ASXL2: variants seen among roughly 807,000 people sequenced by gnomAD.
ASXL2 encodes the protein putative Polycomb group protein ASXL2.
In ASXL2, 23 loss-of-function variants were observed where a neutral mutation model predicts 122.0. The observed-to-expected ratio is 0.19, with a 90% CI of 0.14 to 0.27. ASXL2 has a LOEUF of 0.27. Among genes scored for constraint, ASXL2 ranks in the 10% least tolerant of loss-of-function variants. The pLI, the probability that ASXL2 is intolerant of heterozygous loss-of-function variation, is 1.00. For missense variants in ASXL2, 1,518 were observed against 1,713.8 expected (o/e 0.89, Z 2.02); for synonymous variants, 650 against 637.0 (o/e 1.02, Z -0.31).
intron 3 of ASXL2, among the ~76,000 whole-genome samples, chr2:25,828,729 G>A (rs1277056708): frequency 6.7e-6 from 1 of 149,966 alleles, no homozygotes; most frequent in Non-Finnish European, 1.5e-5. Flanking sequence ...GGAGGCTGAG[G>A]GAGGAGAACT....
At chr2:25,853,166 A>C (rs2089737015) in intron 1 of ASXL2, among the ~76,000 whole-genome samples, 1 of 152,186 alleles carries the variant, frequency 6.6e-6, no homozygotes, top group Non-Finnish European at 1.5e-5. Context: ...TTGAGGTACT[A>C]GTTCCGATTT....
chr2:25,840,791 C>T (rs902395496), intron 2 of ASXL2, among the ~76,000 whole-genome samples: 1 of 152,066 alleles, frequency 6.6e-6, no homozygotes, highest in Non-Finnish European at 1.5e-5. Flanking sequence ...TCAGTTGTTA[C>T]CACTTTAATA....
intron 3 of ASXL2, among the ~76,000 whole-genome samples, chr2:25,809,768 A>T (rs1014927174): frequency 2.6e-5 from 4 of 152,208 alleles, no homozygotes; most frequent in Non-Finnish European, 4.4e-5. Flanking sequence ...ATCTCTGGGA[A>T]GAGGCAGAGA....
At chr2:25,790,932 G>T (rs1277366886) in intron 5 of ASXL2, among the ~76,000 whole-genome samples, 1 of 149,902 alleles carries the variant, frequency 6.7e-6, no homozygotes, top group Non-Finnish European at 1.5e-5. Flanking sequence ...GCCTCCCAAA[G>T]TGCTGGGACT....
intron 1 of ASXL2, among the ~76,000 whole-genome samples, chr2:25,847,617 CTATT>C (rs998831234): frequency 2.8e-4 from 43 of 152,258 alleles, no homozygotes; most frequent in African/African-American, 9.6e-4. Flanking sequence ...CAGAAAACTT[CTATT>C]TATTTATTGT....
At chr2:25,788,978 A>C (rs938262921) in intron 5 of ASXL2, among the ~76,000 whole-genome samples, 1 of 151,666 alleles carries the variant, frequency 6.6e-6, no homozygotes, top group Admixed American at 6.6e-5. Flanking sequence ...TTAATAGTTT[A>C]ATTCTTTCCA....
chr2:25,872,450 A>ACC (rs558699647), intron 1 of ASXL2, among the ~76,000 whole-genome samples: 2 of 152,168 alleles, frequency 1.3e-5, no homozygotes, highest in African/African-American at 4.8e-5. Context: ...AACAAAAGAA[A>ACC]CCAAAACAAA....
chr2:25,772,599 T>C (rs2088474057), intron 5 of ASXL2, among the ~76,000 whole-genome samples: 1 of 151,526 alleles, frequency 6.6e-6, no homozygotes, highest in African/African-American at 2.4e-5. Flanking sequence ...GGTGTGGTGG[T>C]GTATGCCTGT....
intron 1 of ASXL2, among the ~76,000 whole-genome samples, chr2:25,856,157 A>G (rs1212162510): frequency 6.6e-6 from 1 of 151,840 alleles, no homozygotes; most frequent in African/African-American, 2.4e-5. Flanking sequence ...CCTGGGTTCA[A>G]GCAATTCTCC....
intron 1 of ASXL2, among the ~76,000 whole-genome samples, chr2:25,852,188 T>C (rs1447902905): frequency 6.6e-6 from 1 of 152,206 alleles, no homozygotes; most frequent in Non-Finnish European, 1.5e-5. Context: ...GAAACTACTT[T>C]ATGACAATAT....
chr2:25,858,365 T>C (rs924626988), intron 1 of ASXL2, among the ~76,000 whole-genome samples: 14 of 151,972 alleles, frequency 9.2e-5, no homozygotes, highest in Non-Finnish European at 1.6e-4. Flanking sequence ...GTTTGGTGCC[T>C]TCCTTTACTC....
At chr2:25,850,438 T>C (rs112349806) in intron 1 of ASXL2, among the ~76,000 whole-genome samples, 4,466 of 152,344 alleles carry the variant, frequency 0.029, 78 homozygotes, top group Middle Eastern at 0.092. Flanking sequence ...ACATTCTGTA[T>C]TTTGCTAATC....
intron 10 of ASXL2, among the ~76,000 whole-genome samples, chr2:25,754,549 A>G (rs1163343967): frequency 1.3e-5 from 2 of 152,164 alleles, no homozygotes; most frequent in Non-Finnish European, 2.9e-5. Context: ...CCTGCTATTG[A>G]GTCTACTGTG....
chr2:25,786,267 A>G lies in ASXL2; in HGVS notation c.403+13118T>C, dbSNP rs758275065. Reference sequence around the variant, plus strand: ...TCTTTTTTTTTTTTTTTTGAGATGGAGTCTTGCTCTGTCACCAGGCTGGAG... The same window carrying G: ...TCTTTTTTTTTTTTTTTTGAGATGGGGTCTTGCTCTGTCACCAGGCTGGAG... On this transcript the variant is annotated intron_variant, in intron 5 of 12. Transcript: ENST00000435504. Among the ~76,000 whole-genome samples the G allele has an allele frequency of 2.9e-3, 184 of 64,138 alleles. 1 individual carries two copies. Among genetic ancestry groups the G allele is most frequent in the Non-Finnish European group, 2.1e-3 (87 of 41,688 alleles). 42.1% of individuals were successfully genotyped at this position (64,138 alleles called of 152,430 possible). A position where few individuals can be genotyped will look rare whatever the true frequency, so the allele number is the denominator to read the frequency against.
Position 25,742,615 on chromosome 2 carries a change from G to A in ASXL2, c.3722C>T (p.Thr1241Ile), listed in dbSNP as rs372209317. The change falls in exon 13 of 13, where the codon ACC becomes ATC. Residue 1241 changes from threonine (T) to isoleucine (I), a missense_variant. Physicochemically the swap from Thr to Ile is moderately conservative, Grantham distance 89. Around this residue, in one of 8 missense-constraint regions of ASXL2, gnomAD observed 831 missense variants for 833.1 expected, o/e 1.00. Coordinates refer to ENST00000435504, the MANE Select transcript of ASXL2 (RefSeq NM_018263.6). Reference sequence around the variant, plus strand: ...CAGGTAATTCTCCTTACTTAAAGTGGTTTGCTCATTCAATGGTATCTCAGC... The same window carrying A: ...CAGGTAATTCTCCTTACTTAAAGTGATTTGCTCATTCAATGGTATCTCAGC... ...VKAEIPLNEQ[T>I]TLSKENYLFT... 2.5e-6 allele frequency: 4 copies of A among 1,613,942 alleles called. No individual in the cohort carries two copies. The highest frequency in any genetic ancestry group is 8.5e-7 in the Non-Finnish European group (1 of 1,179,872).
In ASXL2 at chr2:25,749,405, G is replaced by C. The variant is rs144139763; in HGVS notation, c.1860+291C>G. ...TCCATTTAAATTATATTTGGTCTAA[G>C]AGTCTGAGATCAGGTGCCTCTGAGC... On this transcript the variant is annotated intron_variant, in intron 12 of 12. Coordinates refer to ENST00000435504, the MANE Select transcript of ASXL2 (RefSeq NM_018263.6). Among the ~76,000 whole-genome samples the C allele has an allele frequency of 4.6e-5, 7 of 152,320 alleles. No homozygotes were observed. In the East Asian group the frequency reaches 1.3e-3, roughly 29 times the overall value.
intron 3 of ASXL2, among the ~76,000 whole-genome samples, chr2:25,812,712 G>A (rs1450871038): frequency 2.0e-5 from 3 of 152,142 alleles, no homozygotes; most frequent in Admixed American, 2.0e-4. Context: ...GGACAAATGT[G>A]CAAGGATTTA....
intron 8 of ASXL2, among the ~76,000 whole-genome samples, chr2:25,764,045 T>C (rs1051240924): frequency 5.9e-5 from 9 of 152,334 alleles, no homozygotes; most frequent in African/African-American, 2.2e-4. Flanking sequence ...AAATTTTAAA[T>C]CTTTTCAAAG....
intron 3 of ASXL2, among the ~76,000 whole-genome samples, chr2:25,817,984 T>C (rs1280246876): frequency 6.6e-6 from 1 of 152,228 alleles, no homozygotes; most frequent in African/African-American, 2.4e-5. Context: ...ATCATTTAAG[T>C]TACATGGTAA....
Sources: allele counts gnomAD v4.1 joint callset (sites outside exome capture counted in the v4.1 genomes callset), GRCh38; gene constraint gnomAD v4.1.1; regional missense constraint gnomAD v4.1.1; transcripts MANE v1.5; gene names NCBI Gene and HGNC (gene_info 2026-07-23, HGNC 2026-07-21).